Variants in KLF12 observed in about 807,000 individuals in gnomAD.
The protein encoded by KLF12 is KLF transcription factor 12.
KLF12 carries 9 observed loss-of-function variants against 37.8 expected under a neutral mutation model. The ratio of observed to expected loss-of-function variants is 0.24; its 90% CI spans 0.14 to 0.42. KLF12 has a LOEUF of 0.42. KLF12 is among the 10% of genes least tolerant of loss of function. The probability of loss-of-function intolerance (pLI) is 1.00; values close to 1 mark genes in which losing one functional copy is unlikely to be tolerated. For synonymous variants in KLF12, 208 were observed against 202.1 expected, an observed-to-expected ratio of 1.03 and a Z score of -0.25; for missense variants, 411 against 516.0, an observed-to-expected ratio of 0.80 and a Z score of 1.97.
the KLF12 span, among the ~76,000 whole-genome samples, chr13:74,266,861 C>A: frequency 6.6e-6 from 1 of 152,086 alleles, no homozygotes; most frequent in Non-Finnish European, 1.5e-5. Context: ...ACCAGTGGAC[C>A]AGTGGGTAAT....
chr13:74,244,446 C>G, the KLF12 span, among the ~76,000 whole-genome samples: 10 of 152,144 alleles, frequency 6.6e-5, no homozygotes, highest in African/African-American at 2.4e-4. Context: ...GTCCACCAAG[C>G]TTACACCATC....
At position 73,905,531 on chromosome 13, in the gene KLF12, C is replaced by T. The variant is rs567087510; in HGVS notation, c.123+38450G>A. On this transcript the variant is annotated intron_variant, in intron 3 of 7. Transcript: ENST00000377669. ...TTGTTCTCTTGCCATTGTTAATTTACGTTTTAAAAAAAATCAATTCCAGAA... is the reference window on the plus strand; with the variant it reads ...TTGTTCTCTTGCCATTGTTAATTTATGTTTTAAAAAAAATCAATTCCAGAA... 6.9e-4 allele frequency among the ~76,000 whole-genome samples: 105 copies of T among 151,886 alleles called. 1 individual carries two copies. Among genetic ancestry groups the T allele is most frequent in the African/African-American group, 2.4e-3 (98 of 41,278 alleles).
intron 3 of KLF12, among the ~76,000 whole-genome samples, chr13:73,880,509 TCC>T (rs1474528793): frequency 1.3e-5 from 2 of 152,164 alleles, no homozygotes; most frequent in African/African-American, 4.8e-5. Context: ...AGGAATTGCC[TCC>T]AACCTGTGAC....
At chr13:74,028,839 A>AT (rs5804711) in intron 1 of KLF12, among the ~76,000 whole-genome samples, 149,754 of 151,852 alleles carry the variant, frequency 0.99, 73,881 homozygotes, top group East Asian at 1. Context: ...AGAATTTTCA[A>AT]TTTTTTTAAA....
intron 3 of KLF12, among the ~76,000 whole-genome samples, chr13:73,914,685 T>C (rs1194207496): frequency 6.6e-6 from 1 of 152,164 alleles, no homozygotes; most frequent in Non-Finnish European, 1.5e-5. Flanking sequence ...GGGGCTATTC[T>C]AGCACAGTCT....
intron 5 of KLF12, among the ~76,000 whole-genome samples, chr13:73,781,276 CA>C (rs1249046073): frequency 6.6e-6 from 1 of 152,192 alleles, no homozygotes; most frequent in Non-Finnish European, 1.5e-5. Context: ...CTTTTATATG[CA>C]CTGGGAAACC....
intron 3 of KLF12, among the ~76,000 whole-genome samples, chr13:73,920,350 T>C (rs1276242245): frequency 6.6e-6 from 1 of 152,120 alleles, no homozygotes; most frequent in African/African-American, 2.4e-5. Flanking sequence ...TTTTAATGTA[T>C]GTAAGCTAAG....
intron 1 of KLF12, among the ~76,000 whole-genome samples, chr13:74,107,969 T>C (rs940042398): frequency 6.6e-6 from 1 of 152,234 alleles, no homozygotes; most frequent in Non-Finnish European, 1.5e-5. Flanking sequence ...TAGGCTTATA[T>C]ACTGTACATA....
intron 3 of KLF12, among the ~76,000 whole-genome samples, chr13:73,897,343 C>T (rs912099093): frequency 6.6e-6 from 1 of 152,262 alleles, no homozygotes; most frequent in South Asian, 2.1e-4. Flanking sequence ...GCGCAACATG[C>T]ATCTACAGGC....
the KLF12 span, among the ~76,000 whole-genome samples, chr13:74,216,469 C>G: frequency 6.6e-6 from 1 of 152,076 alleles, no homozygotes; most frequent in South Asian, 2.1e-4. Context: ...GGACGGCATC[C>G]CTGAAAATTG....
chr13:74,143,255 T>C, the KLF12 span, among the ~76,000 whole-genome samples: 1 of 152,120 alleles, frequency 6.6e-6, no homozygotes, highest in African/African-American at 2.4e-5. Context: ...AATTTATCCA[T>C]GAAGCATGAA....
At chr13:74,273,551 T>A in the KLF12 span, among the ~76,000 whole-genome samples, 1 of 152,094 alleles carries the variant, frequency 6.6e-6, no homozygotes, top group Admixed American at 6.6e-5. Context: ...TGTTATACTC[T>A]AATAGAATTG....
Position 73,688,911 on chromosome 13 carries a change from C to G in KLF12, c.*6579G>C, listed in dbSNP as rs1355287161. 6.6e-6 allele frequency: 1 copy of G among 152,068 alleles called. No individual in the cohort carries two copies. Among genetic ancestry groups the G allele is most frequent in the Non-Finnish European group, 1.5e-5 (1 of 68,020 alleles). 9.4% of individuals were successfully genotyped at this position (152,068 alleles called of 1,614,324 possible). A position where few individuals can be genotyped will look rare whatever the true frequency, so the allele number is the denominator to read the frequency against. ...GGTCAGAGATAGGCGGTTTCACTTT[C>G]CTACTCTGCCGTTTACTATTTCTAC... On this transcript the variant is annotated 3_prime_UTR_variant, in exon 8 of 8. Coordinates refer to ENST00000377669, the MANE Select transcript of KLF12 (RefSeq NM_007249.5).
chr13:73,934,454 ATTT>A (rs1209095327), intron 3 of KLF12, among the ~76,000 whole-genome samples: 2 of 152,180 alleles, frequency 1.3e-5, no homozygotes, highest in Non-Finnish European at 2.9e-5. Flanking sequence ...TTTTAAAAAG[ATTT>A]TTAAATTCTT....
chr13:73,782,784 T>C (rs1382781009), intron 5 of KLF12, among the ~76,000 whole-genome samples: 2 of 152,214 alleles, frequency 1.3e-5, no homozygotes, highest in South Asian at 2.1e-4. Flanking sequence ...TTGGTGTTGA[T>C]TGTGTATCAG....
chr13:74,304,310 C>T, the KLF12 span, among the ~76,000 whole-genome samples: 3 of 152,086 alleles, frequency 2.0e-5, no homozygotes, highest in Non-Finnish European at 4.4e-5. Context: ...CACTCTGAAG[C>T]GTTGCTCACT....
chr13:74,041,691 TACACACACAC>T (rs59315484), intron 1 of KLF12, among the ~76,000 whole-genome samples: 40 of 142,370 alleles, frequency 2.8e-4, no homozygotes, highest in African/African-American at 4.4e-4. Flanking sequence ...ATCGCTGATT[TACACACACAC>T]ACACACACAC....
chr13:74,123,913 C>T (rs1344317311), intron 1 of KLF12, among the ~76,000 whole-genome samples: 1 of 152,202 alleles, frequency 6.6e-6, no homozygotes, highest in African/African-American at 2.4e-5. Flanking sequence ...GTGTTCTCAT[C>T]AGTTACATGG....
intron 3 of KLF12, among the ~76,000 whole-genome samples, chr13:73,881,065 A>G (rs958228002): frequency 1.3e-5 from 2 of 152,204 alleles, no homozygotes; most frequent in African/African-American, 4.8e-5. Flanking sequence ...AGAGATAACA[A>G]AAGTCAAATT....
Sources: gnomAD v4.1 joint callset for allele counts (sites outside exome capture counted in the v4.1 genomes callset) on GRCh38, gnomAD v4.1.1 for gene constraint, MANE v1.5 for transcripts, NCBI Gene and HGNC (gene_info 2026-07-23, HGNC 2026-07-21) for gene names.